KIAA0825: variants seen among roughly 807,000 people sequenced by gnomAD.
The protein encoded by KIAA0825 is uncharacterized protein KIAA0825.
In KIAA0825, 119 loss-of-function variants were observed where a neutral mutation model predicts 147.6. The observed-to-expected ratio is 0.81, with a 90% CI of 0.69 to 0.94. The LOEUF (loss-of-function observed/expected upper bound fraction) is 0.94. Among genes scored for constraint, KIAA0825 ranks in the 40% least tolerant of loss-of-function variants. The pLI is 0.00. For synonymous variants in KIAA0825, 470 were observed against 518.1 expected, an observed-to-expected ratio of 0.91 and a Z score of 1.26; for missense variants, 1,381 against 1,472.7, an observed-to-expected ratio of 0.94 and a Z score of 1.02.
chr5:94,254,505 T>A (rs1196490139), intron 20 of KIAA0825, among the ~76,000 whole-genome samples: 1 of 152,204 alleles, frequency 6.6e-6, no homozygotes, highest in Admixed American at 6.5e-5. Context: ...CTAGAGGGCA[T>A]CAGCATCATT....
At chr5:94,557,223 C>T in intron 2 of KIAA0825, among the ~76,000 whole-genome samples, 1 of 152,056 alleles carries the variant, frequency 6.6e-6, no homozygotes, top group East Asian at 1.9e-4. Flanking sequence ...AGTGATCCTC[C>T]CACCTCAGAC....
chr5:94,354,013 A>G (rs1783984288), intron 20 of KIAA0825, among the ~76,000 whole-genome samples: 1 of 152,228 alleles, frequency 6.6e-6, no homozygotes, highest in Non-Finnish European at 1.5e-5. Flanking sequence ...TTAGTAATAC[A>G]GCAAATTCTC....
rs1475140356 is a variant in KIAA0825, at chr5:94,355,868, A to T, written c.3710+28500T>A. Among the ~76,000 whole-genome samples the T allele has an allele frequency of 3.3e-5, 5 of 152,238 alleles. No homozygotes were observed. The East Asian group carries it at 9.6e-4, about 29-fold the overall frequency. On this transcript the variant is annotated intron_variant, in intron 20 of 20. Coordinates refer to ENST00000682413, the MANE Select transcript of KIAA0825 (RefSeq NM_001145678.3). ...TGTTTGTTAAAACTGAACTTTCATT[A>T]TAATGGTATTTGCTGGGATGAGATT...
intron 20 of KIAA0825, among the ~76,000 whole-genome samples, chr5:94,360,872 T>C (rs1033440586): frequency 1.3e-5 from 2 of 152,190 alleles, no homozygotes; most frequent in African/African-American, 4.8e-5. Flanking sequence ...TGCTTTCACT[T>C]TACTCTGTGG....
In KIAA0825 at chr5:94,341,416, C is replaced by T. The variant is rs547191081; in HGVS notation, c.3710+42952G>A. Among the ~76,000 whole-genome samples, 34 of 152,350 alleles carry T rather than the reference C, an allele frequency of 2.2e-4. 1 individual carries two copies. The highest frequency in any genetic ancestry group is 8.2e-4 in the African/African-American group (34 of 41,584). ...TACCCAGCATCATCATCGCTGCTAT[C>T]TCTTTCATCATCATCCATCATCATC... On this transcript the variant is annotated intron_variant, in intron 20 of 20. Transcript: ENST00000682413.
chr5:94,434,001 A>G (rs1419783372), intron 14 of KIAA0825, among the ~76,000 whole-genome samples: 1 of 152,222 alleles, frequency 6.6e-6, no homozygotes, highest in African/African-American at 2.4e-5. Context: ...CAGCAAGATA[A>G]TTACCAGAAC....
At chr5:94,491,153 A>G (rs1458073028) in intron 5 of KIAA0825, among the ~76,000 whole-genome samples, 1 of 152,128 alleles carries the variant, frequency 6.6e-6, no homozygotes, top group African/African-American at 2.4e-5. Context: ...AACATTAGCC[A>G]CCCTATTATT....
At chr5:94,205,838 C>T (rs965410300) in intron 20 of KIAA0825, among the ~76,000 whole-genome samples, 3 of 152,074 alleles carry the variant, frequency 2.0e-5, no homozygotes, top group Non-Finnish European at 4.4e-5. Context: ...CTAGGATGCC[C>T]ATATAATTTT....
At chr5:94,500,840 C>A (rs774130618) in intron 5 of KIAA0825, among the ~76,000 whole-genome samples, 2 of 152,118 alleles carry the variant, frequency 1.3e-5, no homozygotes, top group Admixed American at 6.5e-5. Context: ...TGCAATGGCT[C>A]GATCTCAGCT....
intron 16 of KIAA0825, among the ~76,000 whole-genome samples, chr5:94,399,597 T>C (rs1406771500): frequency 6.6e-6 from 1 of 152,096 alleles, no homozygotes; most frequent in Non-Finnish European, 1.5e-5. Flanking sequence ...GGAAGGATCT[T>C]TTAAGACTGC....
intron 1 of KIAA0825, among the ~76,000 whole-genome samples, chr5:94,591,400 G>C (rs1046726752): frequency 6.6e-6 from 1 of 152,046 alleles, no homozygotes; most frequent in Non-Finnish European, 1.5e-5. Context: ...TCTGACTGTG[G>C]GTAAAGGGAA....
chr5:94,482,499 C>T (rs1584635410), intron 6 of KIAA0825, among the ~76,000 whole-genome samples: 1 of 152,036 alleles, frequency 6.6e-6, no homozygotes, highest in African/African-American at 2.4e-5. Flanking sequence ...TATTCTCTTC[C>T]TCACCAGATT....
intron 1 of KIAA0825, among the ~76,000 whole-genome samples, chr5:94,604,546 G>A (rs931573689): frequency 2.0e-5 from 3 of 151,816 alleles, no homozygotes; most frequent in African/African-American, 7.3e-5. Flanking sequence ...GCGACAGAAT[G>A]AGACTCCATC....
intron 5 of KIAA0825, among the ~76,000 whole-genome samples, chr5:94,495,808 C>T (rs902533199): frequency 6.6e-6 from 1 of 152,142 alleles, no homozygotes; most frequent in African/African-American, 2.4e-5. Flanking sequence ...ATACTGGGCT[C>T]ACTTATGGTT....
At chr5:94,315,637 G>A (rs1779588009) in intron 20 of KIAA0825, among the ~76,000 whole-genome samples, 1 of 151,636 alleles carries the variant, frequency 6.6e-6, no homozygotes, top group South Asian at 2.1e-4. Flanking sequence ...TTCATTATGT[G>A]ACATAAATTG....
chr5:94,597,663 C>T (rs1023840393), intron 1 of KIAA0825, among the ~76,000 whole-genome samples: 3 of 152,086 alleles, frequency 2.0e-5, no homozygotes, highest in African/African-American at 7.2e-5. Context: ...GTGATACATT[C>T]TGAGAAGTGC....
At position 94,315,220 on chromosome 5, in the gene KIAA0825, C is replaced by T. The variant is rs369247972; in HGVS notation, c.3710+69148G>A. ...TGATGACATACAAATACTAAAAAGG[C>T]GTCTTCTTTTTTAAAATCCATGACA... On this transcript the variant is annotated intron_variant, in intron 20 of 20. Transcript: ENST00000682413. 5.9e-5 allele frequency among the ~76,000 whole-genome samples: 9 copies of T among 151,474 alleles called. No homozygotes were observed. In the East Asian group the frequency reaches 1.6e-3, roughly 26 times the overall value.
intron 20 of KIAA0825, among the ~76,000 whole-genome samples, chr5:94,218,952 CTCTA>C (rs1446162092): frequency 6.6e-6 from 1 of 152,088 alleles, no homozygotes; most frequent in Admixed American, 6.6e-5. Flanking sequence ...CTTATCTCGT[CTCTA>C]TCTTTGTGCT....
At chr5:94,378,375 A>G (rs574585434) in intron 20 of KIAA0825, among the ~76,000 whole-genome samples, 86 of 152,122 alleles carry the variant, frequency 5.7e-4, no homozygotes, top group Non-Finnish European at 1.1e-3. Context: ...CTGTTCCTGT[A>G]TAAGTTTGCT....
Sources: gnomAD v4.1 joint callset for allele counts (sites outside exome capture counted in the v4.1 genomes callset) on GRCh38, gnomAD v4.1.1 for gene constraint, MANE v1.5 for transcripts, NCBI Gene and HGNC (gene_info 2026-07-23, HGNC 2026-07-21) for gene names.